The following IGSF11 variants were observed in gnomAD, a reference collection of about 807,000 sequenced individuals.
IGSF11 encodes the protein immunoglobulin superfamily member 11, also known as CXADR like 1.
In IGSF11, 22 loss-of-function variants were observed where a neutral mutation model predicts 41.0. The ratio of observed to expected loss-of-function variants is 0.54; its 90% CI spans 0.38 to 0.77. The LOEUF (loss-of-function observed/expected upper bound fraction) is 0.77. Among genes scored for constraint, IGSF11 ranks in the 30% least tolerant of loss-of-function variants. The probability of loss-of-function intolerance (pLI) is 0.00; values close to 1 mark genes in which losing one functional copy is unlikely to be tolerated. For synonymous variants in IGSF11, 219 were observed against 201.3 expected, an observed-to-expected ratio of 1.09 and a Z score of -0.74; for missense variants, 444 against 530.8, an observed-to-expected ratio of 0.84 and a Z score of 1.61.
chr3:118,996,549 TC>T (rs1936283052), intron 1 of IGSF11, among the ~76,000 whole-genome samples: 1 of 152,132 alleles, frequency 6.6e-6, no homozygotes, highest in African/African-American at 2.4e-5. Flanking sequence ...ATAAAACCCT[TC>T]CGTGGATTCC....
upstream of IGSF11, among the ~76,000 whole-genome samples, chr3:119,038,551 C>T (rs1400916318): frequency 6.6e-6 from 1 of 152,102 alleles, no homozygotes; most frequent in Non-Finnish European, 1.5e-5. Context: ...GAGCAGGGAA[C>T]ATTGTAACGA....
chr3:119,059,360 C>T (rs754533776), intron 1 of IGSF11, among the ~76,000 whole-genome samples: 10 of 152,064 alleles, frequency 6.6e-5, no homozygotes, highest in Non-Finnish European at 1.0e-4. Flanking sequence ...GGAGCTAAGA[C>T]ATGAGGACAC....
At chr3:118,937,423 C>T (rs1469996337) in intron 1 of IGSF11, among the ~76,000 whole-genome samples, 1 of 152,100 alleles carries the variant, frequency 6.6e-6, no homozygotes, top group Non-Finnish European at 1.5e-5. Flanking sequence ...ATCATTCTCC[C>T]TTCATATTTT....
intron 1 of IGSF11, among the ~76,000 whole-genome samples, chr3:119,073,095 T>C (rs1416656365): frequency 6.6e-6 from 1 of 151,916 alleles, no homozygotes; most frequent in East Asian, 1.9e-4. Flanking sequence ...GACAGAGTGG[T>C]GATTGGTGTG....
chr3:119,114,132 G>A (rs151040543), intron 1 of IGSF11, among the ~76,000 whole-genome samples: 3 of 152,328 alleles, frequency 2.0e-5, no homozygotes, highest in Middle Eastern at 3.4e-3. Context: ...GATGGGAGGG[G>A]CTGCTGCAAA....
At chr3:119,098,259 G>C (rs774164310) in intron 1 of IGSF11, among the ~76,000 whole-genome samples, 1 of 151,942 alleles carries the variant, frequency 6.6e-6, no homozygotes, top group Non-Finnish European at 1.5e-5. Context: ...TTGTGCCTCT[G>C]TTTCCTGCCT....
intron 1 of IGSF11, among the ~76,000 whole-genome samples, chr3:119,021,251 A>G (rs976936495): frequency 1.3e-5 from 2 of 152,180 alleles, no homozygotes; most frequent in African/African-American, 2.4e-5. Context: ...ACAAATTACT[A>G]TATAATAGAA....
At chr3:118,933,955 A>G (rs1559921182) in intron 1 of IGSF11, among the ~76,000 whole-genome samples, 1 of 151,848 alleles carries the variant, frequency 6.6e-6, no homozygotes, top group Non-Finnish European at 1.5e-5. Context: ...CCCCTTAGTG[A>G]CCTTATCATA....
At chr3:119,019,754 T>G (rs1277953205) in intron 1 of IGSF11, among the ~76,000 whole-genome samples, 1 of 152,166 alleles carries the variant, frequency 6.6e-6, no homozygotes, top group African/African-American at 2.4e-5. Flanking sequence ...TTTCCATTGT[T>G]GCTGTTATTG....
chr3:118,905,758 C>T (rs1559870806), intron 4 of IGSF11, 40 bp from the exon 5 acceptor site: 1 of 1,609,290 alleles, frequency 6.2e-7, no homozygotes, highest in East Asian at 2.2e-5. Context: ...TTTGGCGGGA[C>T]TAATAGCAAA....
chr3:118,905,328 T>G (rs1282641045), intron 5 of IGSF11, among the ~76,000 whole-genome samples: 1 of 152,240 alleles, frequency 6.6e-6, no homozygotes, highest in East Asian at 1.9e-4. Flanking sequence ...ATTTTTATAA[T>G]GTCTATAGCA....
intron 1 of IGSF11, among the ~76,000 whole-genome samples, chr3:119,088,223 T>A (rs1384280294): frequency 7.0e-6 from 1 of 143,704 alleles, no homozygotes; most frequent in East Asian, 2.0e-4. Context: ...CCAGGAACAC[T>A]CTGTGGACCA....
intron 4 of IGSF11, among the ~76,000 whole-genome samples, chr3:118,924,588 C>T (rs1942122645): frequency 6.6e-6 from 1 of 151,802 alleles, no homozygotes; most frequent in East Asian, 1.9e-4. Context: ...CACTTTTATA[C>T]CTAAAGTTGC....
At chr3:119,098,548 A>G (rs2573193) in intron 1 of IGSF11, among the ~76,000 whole-genome samples, 105,281 of 152,000 alleles carry the variant, frequency 0.69, 36,927 homozygotes, top group African/African-American at 0.81. Context: ...AGATTAACAC[A>G]TTTGCTGTAT....
intron 1 of IGSF11, among the ~76,000 whole-genome samples, chr3:118,952,735 T>G (rs1457021807): frequency 6.6e-6 from 1 of 152,046 alleles, no homozygotes; most frequent in Non-Finnish European, 1.5e-5. Flanking sequence ...AAATGAGAAG[T>G]AAAAATTAGA....
At chr3:119,115,594 A>T (rs948037503) in intron 1 of IGSF11, among the ~76,000 whole-genome samples, 1 of 152,182 alleles carries the variant, frequency 6.6e-6, no homozygotes, top group African/African-American at 2.4e-5. Context: ...TTTTAACTGC[A>T]TTATCAGATT....
intron 1 of IGSF11, among the ~76,000 whole-genome samples, chr3:119,132,313 C>A (rs752570852): frequency 7.5e-6 from 1 of 133,564 alleles, no homozygotes; most frequent in Non-Finnish European, 1.5e-5. Context: ...ACCCATCTCA[C>A]ATGCAGAGAC....
At chr3:119,126,501 A>T (rs1459122256) in intron 1 of IGSF11, among the ~76,000 whole-genome samples, 3 of 151,966 alleles carry the variant, frequency 2.0e-5, no homozygotes, top group Non-Finnish European at 4.4e-5. Context: ...CACAAAACAC[A>T]CCCTCTCCAC....
chr3:119,115,111 C>A (rs1370532006), intron 1 of IGSF11, among the ~76,000 whole-genome samples: 4 of 152,196 alleles, frequency 2.6e-5, no homozygotes, highest in African/African-American at 9.6e-5. Flanking sequence ...ATTGGGGTTA[C>A]AATTCAATAT....
Sources: allele counts gnomAD v4.1 joint callset (sites outside exome capture counted in the v4.1 genomes callset), GRCh38; gene constraint gnomAD v4.1.1; transcripts MANE v1.5; gene names NCBI Gene and HGNC (gene_info 2026-07-23, HGNC 2026-07-21).